The following SEZ6L variants were observed in gnomAD, a reference collection of about 807,000 sequenced individuals.
SEZ6L encodes the protein seizure 6-like protein.
Under a neutral mutation model 106.2 loss-of-function variants are expected in SEZ6L, and 37 were observed. The observed-to-expected ratio is 0.35, with a 90% CI of 0.27 to 0.46. The LOEUF (loss-of-function observed/expected upper bound fraction) is 0.46. Ranked by LOEUF, SEZ6L falls within the 20% of genes least tolerant of loss-of-function variation. The pLI is 1.00. For synonymous variants in SEZ6L, 541 were observed against 570.4 expected (o/e 0.95, Z 0.73); for missense variants, 1,172 against 1,332.8 (o/e 0.88, Z 1.88).
chr22:26,318,412 A>G (rs2082065848), intron 9 of SEZ6L, among the ~76,000 whole-genome samples: 1 of 150,892 alleles, frequency 6.6e-6, no homozygotes, highest in African/African-American at 2.4e-5. Flanking sequence ...CCTCCTCCAA[A>G]AAAAAAAAAG....
chr22:26,199,203 C>T (rs1447599991), intron 1 of SEZ6L, among the ~76,000 whole-genome samples: 2 of 152,184 alleles, frequency 1.3e-5, no homozygotes, highest in African/African-American at 2.4e-5. Flanking sequence ...ACCAACCAAC[C>T]TTTTGCACCA....
intron 14 of SEZ6L, among the ~76,000 whole-genome samples, chr22:26,374,289 A>C (rs1366016792): frequency 6.6e-6 from 1 of 151,428 alleles, no homozygotes; most frequent in Non-Finnish European, 1.5e-5. Context: ...GTTTTTACCA[A>C]ATCAAGCAGT....
intron 2 of SEZ6L, among the ~76,000 whole-genome samples, chr22:26,294,037 C>T (rs1463705909): frequency 6.6e-6 from 1 of 152,154 alleles, no homozygotes; most frequent in Non-Finnish European, 1.5e-5. Flanking sequence ...TTATCAGTCC[C>T]TATGAGAATA....
rs2081617888 is a variant in SEZ6L, at chr22:26,305,967, T to G, written c.1349-12T>G. 6.2e-6 allele frequency: 7 copies of G among 1,136,238 alleles called. No individual in the cohort carries two copies. The highest frequency in any genetic ancestry group is 4.7e-5 in the African/African-American group (3 of 64,038). 70.4% of individuals were successfully genotyped at this position (1,136,238 alleles called of 1,614,324 possible). A position where few individuals can be genotyped will look rare whatever the true frequency, so the allele number is the denominator to read the frequency against. On this transcript the variant is annotated splice_polypyrimidine_tract_variant and intron_variant, in intron 5 of 16. Coordinates refer to ENST00000248933, the MANE Select transcript of SEZ6L (RefSeq NM_021115.5). ...CTCTCTCCCATTGCCCACCCACCCC[T>G]TTCTGGATCAGCTCCTTGTGGAGGG... is the stretch of plus-strand genomic sequence containing the variant.
intron 13 of SEZ6L, among the ~76,000 whole-genome samples, chr22:26,371,643 A>G (rs1236555575): frequency 1.3e-5 from 2 of 149,422 alleles, no homozygotes; most frequent in Non-Finnish European, 3.0e-5. Flanking sequence ...AAAAATAATA[A>G]TAATATACAC....
intron 1 of SEZ6L, among the ~76,000 whole-genome samples, chr22:26,240,695 T>C (rs905968475): frequency 1.3e-5 from 2 of 152,152 alleles, no homozygotes; most frequent in African/African-American, 4.8e-5. Flanking sequence ...CCAGGTACTG[T>C]TCTAGGCGTT....
At chr22:26,236,928 C>T (rs1394363344) in intron 1 of SEZ6L, among the ~76,000 whole-genome samples, 1 of 152,072 alleles carries the variant, frequency 6.6e-6, no homozygotes, top group Non-Finnish European at 1.5e-5. Flanking sequence ...TATTCATATC[C>T]AGAACCCTCA....
At chr22:26,283,822 G>A (rs58972788) in intron 1 of SEZ6L, among the ~76,000 whole-genome samples, 2 of 152,092 alleles carry the variant, frequency 1.3e-5, no homozygotes, top group African/African-American at 4.8e-5. Context: ...TTATGGGGGA[G>A]GAAAGGCAGG....
At chr22:26,334,731 T>C (rs2082592998) in intron 9 of SEZ6L, among the ~76,000 whole-genome samples, 1 of 152,102 alleles carries the variant, frequency 6.6e-6, no homozygotes, top group Admixed American at 6.5e-5. Context: ...AGATGGGAGC[T>C]GAGATCTTCT....
intron 1 of SEZ6L, among the ~76,000 whole-genome samples, chr22:26,260,171 C>G (rs1252286183): frequency 6.6e-5 from 10 of 152,068 alleles, no homozygotes; most frequent in Admixed American, 6.5e-4. Flanking sequence ...TTTGGGAGAA[C>G]AGGTGGTATT....
intron 10 of SEZ6L, among the ~76,000 whole-genome samples, chr22:26,342,553 G>A (rs1569470775): frequency 6.6e-6 from 1 of 151,500 alleles, no homozygotes; most frequent in African/African-American, 2.4e-5. Flanking sequence ...AACATTAGCT[G>A]GGTGTGGTGG....
chr22:26,221,203 T>A, intron 1 of SEZ6L, among the ~76,000 whole-genome samples: 1 of 152,096 alleles, frequency 6.6e-6, no homozygotes, highest in Non-Finnish European at 1.5e-5. Context: ...GACCTTCCCT[T>A]CATCCTTCAA....
chr22:26,367,041 A>C (rs192788857), intron 13 of SEZ6L, among the ~76,000 whole-genome samples: 1 of 152,294 alleles, frequency 6.6e-6, no homozygotes, highest in Admixed American at 6.5e-5. Flanking sequence ...ATATATATAC[A>C]TTTACATACA....
At chr22:26,213,569 C>T (rs754956357) in intron 1 of SEZ6L, among the ~76,000 whole-genome samples, 13 of 152,168 alleles carry the variant, frequency 8.5e-5, no homozygotes, top group Non-Finnish European at 1.8e-4. Flanking sequence ...AGTTAACAAC[C>T]CCTGGTTACT....
intron 1 of SEZ6L, among the ~76,000 whole-genome samples, chr22:26,262,995 C>G (rs1230631058): frequency 1.3e-5 from 2 of 152,172 alleles, no homozygotes; most frequent in African/African-American, 4.8e-5. Flanking sequence ...TATTGACTAC[C>G]ATTCAGTCTC....
intron 9 of SEZ6L, among the ~76,000 whole-genome samples, chr22:26,317,022 A>G (rs1239740721): frequency 6.6e-6 from 1 of 152,102 alleles, no homozygotes; most frequent in Non-Finnish European, 1.5e-5. Flanking sequence ...TGATGAGAAC[A>G]TCTGCAAAAC....
intron 12 of SEZ6L, among the ~76,000 whole-genome samples, chr22:26,357,589 A>T (rs986640371): frequency 6.6e-6 from 1 of 152,156 alleles, no homozygotes; most frequent in African/African-American, 2.4e-5. Flanking sequence ...ATCTGTTTAT[A>T]TGTTTGTAGA....
intron 1 of SEZ6L, among the ~76,000 whole-genome samples, chr22:26,260,275 T>G (rs1426202547): frequency 6.6e-6 from 1 of 152,184 alleles, no homozygotes; most frequent in African/African-American, 2.4e-5. Context: ...TGTACTCTTT[T>G]ATCCCTCACC....
chr22:26,207,016 G>T (rs1418491922), intron 1 of SEZ6L, among the ~76,000 whole-genome samples: 1 of 152,156 alleles, frequency 6.6e-6, no homozygotes, highest in Non-Finnish European at 1.5e-5. Flanking sequence ...TCTTCTTAAT[G>T]CATCTAAAAT....
Sources: allele counts gnomAD v4.1 joint callset (sites outside exome capture counted in the v4.1 genomes callset), GRCh38; gene constraint gnomAD v4.1.1; transcripts MANE v1.5; gene names NCBI Gene and HGNC (gene_info 2026-07-23, HGNC 2026-07-21).